The following ARHGEF3 variants were observed in gnomAD, a reference collection of about 807,000 sequenced individuals.
The protein encoded by ARHGEF3 is 59.8 kDA protein.
Under a neutral mutation model 63.2 loss-of-function variants are expected in ARHGEF3, and 28 were observed. The observed-to-expected ratio is 0.44, with a 90% CI of 0.33 to 0.61. The LOEUF is 0.61. ARHGEF3 is among the 20% of genes least tolerant of loss of function. The pLI is 0.03. For synonymous variants in ARHGEF3, 266 were observed against 254.2 expected (o/e 1.05, Z -0.44); for missense variants, 533 against 659.3 (o/e 0.81, Z 2.10).
chr3:56,779,115 C>G (rs17235719), intron 1 of ARHGEF3, among the ~76,000 whole-genome samples: 4,114 of 152,304 alleles, frequency 0.027, 64 homozygotes, highest in Middle Eastern at 0.085. Context: ...CATATTCTCC[C>G]TGCAGCTGGA....
At chr3:56,889,877 C>A (rs529653979) in intron 3 of ARHGEF3, among the ~76,000 whole-genome samples, 25 of 152,112 alleles carry the variant, frequency 1.6e-4, no homozygotes, top group Non-Finnish European at 3.2e-4. Context: ...GCCTGGCCAA[C>A]ATGGTGAAAC....
At chr3:56,958,593 A>G (rs1395280175) in intron 3 of ARHGEF3, among the ~76,000 whole-genome samples, 1 of 152,080 alleles carries the variant, frequency 6.6e-6, no homozygotes, top group Non-Finnish European at 1.5e-5. Context: ...TGGCCTCCCA[A>G]AGTGCTGGGA....
At chr3:56,947,773 C>T (rs1049560249) in intron 3 of ARHGEF3, among the ~76,000 whole-genome samples, 6 of 152,246 alleles carry the variant, frequency 3.9e-5, no homozygotes, top group African/African-American at 1.4e-4. Context: ...CTGCACCAAG[C>T]AGACCTAACA....
chr3:56,965,784 G>T (rs1472132299), intron 2 of ARHGEF3, among the ~76,000 whole-genome samples: 1 of 151,848 alleles, frequency 6.6e-6, no homozygotes, highest in Non-Finnish European at 1.5e-5. Flanking sequence ...GAGTAGCTGG[G>T]ACTACTGGCA....
chr3:56,983,296 G>T (rs1701400932), intron 2 of ARHGEF3, among the ~76,000 whole-genome samples: 1 of 152,034 alleles, frequency 6.6e-6, no homozygotes, highest in African/African-American at 2.4e-5. Context: ...AGTGACCATG[G>T]TCTGCTAGGG....
chr3:56,731,914 T>A, intron 9 of ARHGEF3: 1 of 535,336 alleles, frequency 1.9e-6, no homozygotes, highest in Non-Finnish European at 3.3e-6. Context: ...CTATCTGGTA[T>A]TAAGCATGTT....
chr3:56,749,650 G>C (rs1474394127), intron 6 of ARHGEF3, among the ~76,000 whole-genome samples: 1 of 152,196 alleles, frequency 6.6e-6, no homozygotes, highest in Non-Finnish European at 1.5e-5. Flanking sequence ...GGCTAAAGAA[G>C]TTAAAACATC....
chr3:56,759,997 A>G (rs565705353), intron 2 of ARHGEF3, among the ~76,000 whole-genome samples: 33 of 152,334 alleles, frequency 2.2e-4, no homozygotes, highest in African/African-American at 7.9e-4. Flanking sequence ...TCCCTCCCAT[A>G]GTCTGGACAG....
intron 3 of ARHGEF3, chr3:56,916,488 G>A: frequency 7.2e-7 from 1 of 1,385,884 alleles, no homozygotes; most frequent in Non-Finnish European, 9.4e-7. Context: ...AAGTGACAGG[G>A]GCCATCAGTT....
intron 3 of ARHGEF3, chr3:56,941,055 A>AT: frequency 6.6e-6 from 1 of 152,540 alleles, no homozygotes; most frequent in East Asian, 1.9e-4. Context: ...CCAAGGGCGC[A>AT]TGGAAGTAGC....
At chr3:56,832,398 A>C (rs1297891407) in intron 4 of ARHGEF3, among the ~76,000 whole-genome samples, 4 of 152,320 alleles carry the variant, frequency 2.6e-5, no homozygotes, top group East Asian at 1.9e-4. Context: ...ACACAGATTC[A>C]AGTTGCCCTG....
At chr3:56,731,264 C>T (rs1279199235) in intron 9 of ARHGEF3, among the ~76,000 whole-genome samples, 3 of 152,120 alleles carry the variant, frequency 2.0e-5, no homozygotes, top group Non-Finnish European at 4.4e-5. Flanking sequence ...AGGCTGGGCC[C>T]GGGGGCCTGT....
chr3:56,900,695 A>G (rs2041474727), intron 3 of ARHGEF3, among the ~76,000 whole-genome samples: 1 of 152,198 alleles, frequency 6.6e-6, no homozygotes. Flanking sequence ...CATTTTCTCC[A>G]GCTTTGTTAC....
At chr3:57,059,168 T>C (rs1291450684) in intron 1 of ARHGEF3, among the ~76,000 whole-genome samples, 1 of 152,158 alleles carries the variant, frequency 6.6e-6, no homozygotes, top group Non-Finnish European at 1.5e-5. Flanking sequence ...AATGCTGACA[T>C]GCAATCATAC....
At chr3:56,806,446 C>CACA (rs1389078077), upstream of ARHGEF3, among the ~76,000 whole-genome samples, 1 of 152,242 alleles carries the variant, frequency 6.6e-6, no homozygotes, top group African/African-American at 2.4e-5. Flanking sequence ...AAAGAAACGG[C>CACA]ACAAAGTGTC....
intron 7 of ARHGEF3, among the ~76,000 whole-genome samples, chr3:56,740,608 G>A (rs2033949822): frequency 6.6e-6 from 1 of 152,188 alleles, no homozygotes; most frequent in Non-Finnish European, 1.5e-5. Context: ...AAAGAAATGA[G>A]AGGATTCCTG....
chr3:57,056,946 C>A (rs926330790), intron 1 of ARHGEF3, among the ~76,000 whole-genome samples: 3 of 151,992 alleles, frequency 2.0e-5, no homozygotes, highest in Non-Finnish European at 2.9e-5. Flanking sequence ...CACACACACA[C>A]ACCCCACACA....
At chr3:56,946,966 CA>C (rs1383105436) in intron 3 of ARHGEF3, among the ~76,000 whole-genome samples, 1 of 152,146 alleles carries the variant, frequency 6.6e-6, no homozygotes, top group Non-Finnish European at 1.5e-5. Flanking sequence ...GAGTGGGGGC[CA>C]ATATTCGACA....
chr3:57,041,775 G>A (rs1371774674), intron 1 of ARHGEF3, among the ~76,000 whole-genome samples: 7 of 152,080 alleles, frequency 4.6e-5, no homozygotes, highest in Non-Finnish European at 1.0e-4. Flanking sequence ...GGGAGAGAGC[G>A]GGATACATTT....
Sources: gnomAD v4.1 joint callset for allele counts (sites outside exome capture counted in the v4.1 genomes callset) on GRCh38, gnomAD v4.1.1 for gene constraint, MANE v1.5 for transcripts, NCBI Gene and HGNC (gene_info 2026-07-23, HGNC 2026-07-21) for gene names.